Variants in GRM5 observed in about 807,000 individuals in gnomAD.
GRM5 encodes glutamate metabotropic receptor 5, also known as metabotropic glutamate receptor 5.
GRM5 carries 19 observed loss-of-function variants against 83.1 expected under a neutral mutation model. The ratio of observed to expected loss-of-function variants is 0.23; its 90% CI spans 0.16 to 0.34. GRM5 has a LOEUF of 0.34. Ranked by LOEUF, GRM5 falls within the 10% of genes least tolerant of loss-of-function variation. GRM5 has a pLI of 1.00. For synonymous variants in GRM5, 675 were observed against 633.6 expected, an observed-to-expected ratio of 1.07 and a Z score of -0.98; for missense variants, 1,160 against 1,588.3, an observed-to-expected ratio of 0.73 and a Z score of 4.58.
At chr11:88,744,011 C>G (rs1411367700) in intron 3 of GRM5, among the ~76,000 whole-genome samples, 1 of 152,120 alleles carries the variant, frequency 6.6e-6, no homozygotes, top group Admixed American at 6.6e-5. Flanking sequence ...AACAAGGCAA[C>G]TGTCCACAGA....
intron 8 of GRM5, among the ~76,000 whole-genome samples, chr11:88,547,849 G>A (rs1301750447): frequency 6.6e-6 from 1 of 152,142 alleles, no homozygotes; most frequent in African/African-American, 2.4e-5. Flanking sequence ...ATTGTACAAT[G>A]AAATAAGATA....
intron 3 of GRM5, among the ~76,000 whole-genome samples, chr11:88,656,988 A>G (rs1195197919): frequency 1.3e-5 from 2 of 152,122 alleles, no homozygotes; most frequent in African/African-American, 2.4e-5. Flanking sequence ...CCTGGAGCCA[A>G]TGCTCTGCAA....
intron 1 of GRM5, among the ~76,000 whole-genome samples, chr11:89,054,356 G>T (rs750081686): frequency 1.3e-5 from 2 of 152,148 alleles, no homozygotes; most frequent in African/African-American, 2.4e-5. Flanking sequence ...AGTCGCATCG[G>T]CTGTGGTGGA....
At chr11:88,903,095 G>A (rs1945343051) in intron 2 of GRM5, among the ~76,000 whole-genome samples, 1 of 152,046 alleles carries the variant, frequency 6.6e-6, no homozygotes, top group Non-Finnish European at 1.5e-5. Context: ...ATTTATTTGT[G>A]CACCTGAGTG....
intron 2 of GRM5, among the ~76,000 whole-genome samples, chr11:88,859,513 C>A (rs562797706): frequency 1.1e-4 from 16 of 152,066 alleles, no homozygotes; most frequent in Middle Eastern, 3.4e-3. Context: ...TTATTAAAAC[C>A]AACCAACCTA....
rs370154820 is a variant in GRM5 at position 88,762,542 on chromosome 11, A to T, written c.911+87364T>A. The stretch of plus-strand genomic sequence containing the variant: ...AGTCAAAAAATAAAAGATGCTGGCA[A>T]GGTTCCTTAGAAAAGGGGAAACTTA... On this transcript the variant is annotated intron_variant, in intron 3 of 9. Coordinates refer to ENST00000305447, the MANE Select transcript of GRM5 (RefSeq NM_001143831.3). Among the ~76,000 whole-genome samples the T allele has an allele frequency of 1.5e-4, 23 of 152,136 alleles. No homozygotes were observed. In the Middle Eastern group the frequency reaches 0.017, roughly 112 times the overall value.
At chr11:88,619,626 G>A (rs1938579504) in intron 4 of GRM5, among the ~76,000 whole-genome samples, 1 of 152,098 alleles carries the variant, frequency 6.6e-6, no homozygotes. Context: ...ATTATGTGAG[G>A]CTAAGGAACC....
chr11:89,037,085 A>G (rs1446249462), intron 2 of GRM5, among the ~76,000 whole-genome samples: 2 of 152,118 alleles, frequency 1.3e-5, no homozygotes, highest in Non-Finnish European at 2.9e-5. Flanking sequence ...GTGGTGCACT[A>G]TGACTTGTTT....
At chr11:88,880,103 G>C (rs1944927260) in intron 2 of GRM5, among the ~76,000 whole-genome samples, 1 of 152,046 alleles carries the variant, frequency 6.6e-6, no homozygotes, top group African/African-American at 2.4e-5. Flanking sequence ...CCAAGTCTTA[G>C]ACAAGAATAG....
intron 3 of GRM5, among the ~76,000 whole-genome samples, chr11:88,767,560 A>T (rs1942647568): frequency 6.6e-6 from 1 of 152,008 alleles, no homozygotes; most frequent in Admixed American, 6.6e-5. Flanking sequence ...TATCCTAAGC[A>T]AAGTAATACA....
At chr11:88,738,692 ATC>A (rs1197206660) in intron 3 of GRM5, among the ~76,000 whole-genome samples, 8 of 152,176 alleles carry the variant, frequency 5.3e-5, no homozygotes, top group African/African-American at 1.7e-4. Flanking sequence ...ACTCTTATAC[ATC>A]TCTGTTTACC....
intron 3 of GRM5, among the ~76,000 whole-genome samples, chr11:88,672,427 A>T (rs2135334184): frequency 6.6e-6 from 1 of 152,090 alleles, no homozygotes. Context: ...ACTACAGAAA[A>T]GTATAATTTA....
chr11:88,548,171 A>G (rs897107739), intron 8 of GRM5, among the ~76,000 whole-genome samples: 8 of 152,180 alleles, frequency 5.3e-5, no homozygotes, highest in Non-Finnish European at 1.0e-4. Context: ...GAGAGTTGTT[A>G]ACTCACAGAA....
chr11:88,957,885 T>C (rs1378863415), intron 2 of GRM5, among the ~76,000 whole-genome samples: 1 of 152,168 alleles, frequency 6.6e-6, no homozygotes, highest in Non-Finnish European at 1.5e-5. Flanking sequence ...AAGGGAAGAT[T>C]AGAAATCTCT....
chr11:88,800,863 G>A (rs1943379997), intron 3 of GRM5, among the ~76,000 whole-genome samples: 1 of 152,076 alleles, frequency 6.6e-6, no homozygotes, highest in Non-Finnish European at 1.5e-5. Flanking sequence ...GAAAATAACA[G>A]CAATTTTATT....
chr11:88,530,669 T>C (rs1236848836), intron 8 of GRM5, among the ~76,000 whole-genome samples: 1 of 152,104 alleles, frequency 6.6e-6, no homozygotes. Flanking sequence ...AATATTGGAT[T>C]ACTGAAATTT....
At chr11:88,696,291 T>C (rs1015881505) in intron 3 of GRM5, among the ~76,000 whole-genome samples, 4 of 152,026 alleles carry the variant, frequency 2.6e-5, no homozygotes, top group African/African-American at 4.8e-5. Context: ...TCCAACTGCT[T>C]GTGTCTGTGC....
intron 9 of GRM5, among the ~76,000 whole-genome samples, chr11:88,518,125 A>C (rs1361452051): frequency 1.3e-5 from 2 of 151,998 alleles, no homozygotes; most frequent in Non-Finnish European, 2.9e-5. Context: ...CAGGCTAAGA[A>C]AAGAGACTGT....
intron 3 of GRM5, among the ~76,000 whole-genome samples, chr11:88,802,447 TCAATAGATGCA>T (rs1179616551): frequency 2.0e-5 from 3 of 151,238 alleles, no homozygotes; most frequent in African/African-American, 7.3e-5. Flanking sequence ...AAACAGAAAG[TCAATAGATGCA>T]GAAAAGGCGT....
Sources: gnomAD v4.1 joint callset for allele counts (sites outside exome capture counted in the v4.1 genomes callset) on GRCh38, gnomAD v4.1.1 for gene constraint, MANE v1.5 for transcripts, NCBI Gene and HGNC (gene_info 2026-07-23, HGNC 2026-07-21) for gene names.